Variants in USP33 observed in about 807,000 individuals in gnomAD.
USP33 encodes the protein ubiquitin specific peptidase 33.
Under a neutral mutation model 124.2 loss-of-function variants are expected in USP33, and 46 were observed. The observed-to-expected ratio is 0.37, with a 90% CI of 0.29 to 0.47. USP33 has a LOEUF of 0.47. Ranked by LOEUF, USP33 falls within the 20% of genes least tolerant of loss-of-function variation. The pLI is 0.99. For synonymous variants in USP33, 350 were observed against 352.3 expected (o/e 0.99, Z 0.07); for missense variants, 851 against 1,070.6 (o/e 0.79, Z 2.86).
intron 18 of USP33, 131 bp downstream of exon 18, chr1:77,715,611 T>C: frequency 9.3e-7 from 1 of 1,078,008 alleles, no homozygotes. Flanking sequence ...TTTCACTGTA[T>C]TTTACTGTAA....
At chr1:77,757,713 AATCT>A (rs1680929470) in intron 1 of USP33, among the ~76,000 whole-genome samples, 1 of 152,210 alleles carries the variant, frequency 6.6e-6, no homozygotes, top group Non-Finnish European at 1.5e-5. Context: ...CTCCAATCTT[AATCT>A]ATCTGAATTC....
intron 21 of USP33, 92 bp from the exon 22 acceptor site, chr1:77,701,563 A>G: frequency 1.8e-6 from 2 of 1,083,032 alleles, no homozygotes; most frequent in South Asian, 2.7e-5. Context: ...TTGATAACTC[A>G]GCACTTTGGG....
At chr1:77,701,623 G>A (rs1202862738) in intron 21 of USP33, 152 bp from the exon 22 acceptor site, 1 of 587,818 alleles carries the variant, frequency 1.7e-6, no homozygotes, top group East Asian at 3.1e-5. Flanking sequence ...AACCAGTCTG[G>A]GCAACATCGT....
intron 10 of USP33, among the ~76,000 whole-genome samples, chr1:77,727,354 C>T (rs1464577217): frequency 6.6e-6 from 1 of 152,176 alleles, no homozygotes; most frequent in African/African-American, 2.4e-5. Flanking sequence ...CCTAATCAGG[C>T]TTAACTGGGC....
At chr1:77,752,055 G>A (rs934352367) in intron 1 of USP33, among the ~76,000 whole-genome samples, 1 of 151,910 alleles carries the variant, frequency 6.6e-6, no homozygotes, top group African/African-American at 2.4e-5. Flanking sequence ...TTGAAATTCT[G>A]ACCCCTTATC....
intron 23 of USP33, 144 bp from the exon 24 acceptor site, chr1:77,697,618 G>T: frequency 9.6e-7 from 1 of 1,043,020 alleles, no homozygotes; most frequent in Non-Finnish European, 1.4e-6. Context: ...AGCCCATATT[G>T]TTATAAGCTG....
At position 77,722,037 on chromosome 1, in the gene USP33, C is replaced by A; in HGVS notation, c.1549G>T (p.Glu517Ter). The change falls in exon 13 of 24, where the codon GAA becomes TAA. Residue 517 changes from glutamate to a stop codon, truncating the protein, a stop_gained. Transcript: ENST00000370794. LOFTEE classifies it high-confidence loss of function. Reference sequence around the variant, plus strand: ...ATAAATACATACCTCTTCACATATTCCATGAAAAAAGCTATCCACCCTTGT... The same window carrying A: ...ATAAATACATACCTCTTCACATATTACATGAAAAAAGCTATCCACCCTTGT... ...APQGWIAFFM[E>*]YVKRFVVSCV... The A allele has an allele frequency of 6.2e-7, 1 of 1,612,658 alleles. No homozygotes were observed. The highest frequency in any genetic ancestry group is 1.1e-5 in the South Asian group (1 of 90,664).
At chr1:77,750,104 G>A (rs1680155818) in intron 1 of USP33, among the ~76,000 whole-genome samples, 1 of 152,130 alleles carries the variant, frequency 6.6e-6, no homozygotes, top group Non-Finnish European at 1.5e-5. Context: ...GATCACCTGA[G>A]TTCAGGAGTC....
At chr1:77,735,961 C>T in intron 6 of USP33, 95 bp downstream of exon 6, 1 of 875,616 alleles carries the variant, frequency 1.1e-6, no homozygotes, top group Non-Finnish European at 1.6e-6. Flanking sequence ...TTATCAAGCC[C>T]ATTTTACCTC....
At chr1:77,706,115 C>G (rs749794788) in intron 21 of USP33, among the ~76,000 whole-genome samples, 1 of 152,148 alleles carries the variant, frequency 6.6e-6, no homozygotes, top group Non-Finnish European at 1.5e-5. Context: ...CTGCCATAAA[C>G]ATTTGTTTAC....
chr1:77,714,503 G>T, intron 19 of USP33, 111 bp downstream of exon 19: 1 of 1,058,520 alleles, frequency 9.4e-7, no homozygotes, highest in Non-Finnish European at 1.4e-6. Context: ...AAGTTTGAAT[G>T]CAGGTGGGGA....
intron 1 of USP33, among the ~76,000 whole-genome samples, chr1:77,744,092 C>T (rs1323549127): frequency 6.7e-6 from 1 of 149,832 alleles, no homozygotes; most frequent in African/African-American, 2.5e-5. Flanking sequence ...CCACTGCAAT[C>T]CAACCTGAGG....
chr1:77,707,640 G>A (rs1232706344), intron 21 of USP33, among the ~76,000 whole-genome samples: 1 of 152,066 alleles, frequency 6.6e-6, no homozygotes, highest in African/African-American at 2.4e-5. Flanking sequence ...ATACAGACAA[G>A]ACTACTAAGG....
chr1:77,715,105 C>A (rs992629509), intron 18 of USP33, among the ~76,000 whole-genome samples: 2 of 151,980 alleles, frequency 1.3e-5, no homozygotes, highest in African/African-American at 2.4e-5. Flanking sequence ...TAAAAAAAAA[C>A]AAATATTTTT....
chr1:77,738,066 C>T (rs1189421820), intron 5 of USP33, among the ~76,000 whole-genome samples: 1 of 152,122 alleles, frequency 6.6e-6, no homozygotes, highest in Non-Finnish European at 1.5e-5. Flanking sequence ...GTGGGAGAAA[C>T]AGTAATGGTT....
rs1030750861 is a variant in USP33 at position 77,725,887 on chromosome 1, A to C, written c.1136-125T>G. Reference sequence around the variant, plus strand: ...CATATTAACAAATGTCAAGTTAAATACTTAACAAAGTGCTTACTAAGCAAA... The same window carrying C: ...CATATTAACAAATGTCAAGTTAAATCCTTAACAAAGTGCTTACTAAGCAAA... On this transcript the variant is annotated intron_variant, in intron 10 of 23. Coordinates refer to ENST00000370794, the MANE Select transcript of USP33 (RefSeq NM_201624.3). 29 of 968,800 alleles carry C rather than the reference A, an allele frequency of 3.0e-5. No individual in the cohort carries two copies. In the African/African-American group the frequency reaches 4.2e-4, roughly 14 times the overall value. The allele number at this position is 968,800 out of a possible 1,614,324, so 60.0% of individuals were successfully genotyped here. A position where few individuals can be genotyped will look rare whatever the true frequency, so the allele number is the denominator to read the frequency against.
chr1:77,716,622 G>A (rs1449060931), intron 17 of USP33, among the ~76,000 whole-genome samples: 4 of 152,074 alleles, frequency 2.6e-5, no homozygotes, highest in Non-Finnish European at 4.4e-5. Flanking sequence ...TTAAGAACCC[G>A]GTAAATCAAA....
At chr1:77,750,039 G>T (rs1337955505) in intron 1 of USP33, among the ~76,000 whole-genome samples, 1 of 152,182 alleles carries the variant, frequency 6.6e-6, no homozygotes, top group Non-Finnish European at 1.5e-5. Context: ...AATTGGCTGG[G>T]CAGGGCCAGG....
At chr1:77,756,569 T>C (rs1003480851) in intron 1 of USP33, among the ~76,000 whole-genome samples, 1 of 152,174 alleles carries the variant, frequency 6.6e-6, no homozygotes, top group Non-Finnish European at 1.5e-5. Flanking sequence ...GCCTTTTAGA[T>C]AAAGGCAATC....
Sources: gnomAD v4.1 joint callset for allele counts (sites outside exome capture counted in the v4.1 genomes callset) on GRCh38, gnomAD v4.1.1 for gene constraint, MANE v1.5 for transcripts, NCBI Gene and HGNC (gene_info 2026-07-23, HGNC 2026-07-21) for gene names.